The following LRMDA variants were observed in gnomAD, a reference collection of about 807,000 sequenced individuals.
LRMDA encodes the protein leucine-rich melanocyte differentiation-associated protein.
Under a neutral mutation model 29.8 loss-of-function variants are expected in LRMDA, and 18 were observed. The ratio of observed to expected loss-of-function variants is 0.60; its 90% CI spans 0.42 to 0.90. The LOEUF (loss-of-function observed/expected upper bound fraction) is 0.90. Ranked by LOEUF, LRMDA falls within the 40% of genes least tolerant of loss-of-function variation. The probability of loss-of-function intolerance (pLI) is 0.00; values close to 1 mark genes in which losing one functional copy is unlikely to be tolerated. For missense variants in LRMDA, 273 were observed against 273.9 expected, an observed-to-expected ratio of 1.00 and a Z score of 0.02; for synonymous variants, 125 against 109.4, an observed-to-expected ratio of 1.14 and a Z score of -0.89.
chr10:76,155,326 A>C (rs1850518026), intron 5 of LRMDA, among the ~76,000 whole-genome samples: 1 of 151,908 alleles, frequency 6.6e-6, no homozygotes, highest in Non-Finnish European at 1.5e-5. Context: ...CAGTAACCTG[A>C]AACCTGGGAT....
At chr10:75,702,753 C>A (rs1035287929) in intron 2 of LRMDA, among the ~76,000 whole-genome samples, 1 of 152,198 alleles carries the variant, frequency 6.6e-6, no homozygotes, top group Non-Finnish European at 1.5e-5. Context: ...TGGCAACCTT[C>A]GCATTTGGTT....
intron 2 of LRMDA, among the ~76,000 whole-genome samples, chr10:75,816,888 A>G (rs1435430111): frequency 6.6e-6 from 1 of 152,206 alleles, no homozygotes; most frequent in Non-Finnish European, 1.5e-5. Flanking sequence ...CTACCTGGTT[A>G]GTATTCTCTG....
At chr10:76,279,850 C>T (rs575019349) in intron 5 of LRMDA, among the ~76,000 whole-genome samples, 1 of 152,310 alleles carries the variant, frequency 6.6e-6, no homozygotes, top group South Asian at 2.1e-4. Flanking sequence ...ACTCATGACA[C>T]TATGAGGTAG....
chr10:75,942,635 G>A (rs1297839020), intron 2 of LRMDA, among the ~76,000 whole-genome samples: 1 of 152,142 alleles, frequency 6.6e-6, no homozygotes, highest in Non-Finnish European at 1.5e-5. Context: ...AACAAGTGAG[G>A]TGAACCCCAT....
At chr10:75,553,797 T>C (rs1368028819) in intron 2 of LRMDA, among the ~76,000 whole-genome samples, 1 of 152,046 alleles carries the variant, frequency 6.6e-6, no homozygotes, top group African/African-American at 2.4e-5. Flanking sequence ...GTAGGCAAGA[T>C]TTCATGCCTG....
intron 6 of LRMDA, among the ~76,000 whole-genome samples, chr10:76,481,612 G>A (rs1842734210): frequency 1.3e-5 from 2 of 151,898 alleles, no homozygotes; most frequent in Non-Finnish European, 2.9e-5. Context: ...AAGGTCTCAG[G>A]TATACATTTA....
chr10:75,454,276 T>C (rs1334190543), intron 2 of LRMDA, among the ~76,000 whole-genome samples: 2 of 152,068 alleles, frequency 1.3e-5, no homozygotes, highest in African/African-American at 4.8e-5. Context: ...TATGGTTTGT[T>C]TTGGGGGAGA....
At chr10:76,382,043 A>C (rs560582586) in intron 6 of LRMDA, among the ~76,000 whole-genome samples, 1 of 152,358 alleles carries the variant, frequency 6.6e-6, no homozygotes, top group South Asian at 2.1e-4. Context: ...ACGTGAAAGC[A>C]CATTGTTGCA....
chr10:75,849,764 A>C (rs1564585624), intron 2 of LRMDA, among the ~76,000 whole-genome samples: 1 of 152,240 alleles, frequency 6.6e-6, no homozygotes, highest in Non-Finnish European at 1.5e-5. Flanking sequence ...ATTTAAAATA[A>C]AAATTTAAAA....
At chr10:75,832,954 G>C (rs531616865) in intron 2 of LRMDA, among the ~76,000 whole-genome samples, 11 of 152,202 alleles carry the variant, frequency 7.2e-5, no homozygotes, top group African/African-American at 2.4e-4. Flanking sequence ...ATGAGATTTG[G>C]GTAGGACACA....
At chr10:75,484,622 G>A (rs749007764) in intron 2 of LRMDA, among the ~76,000 whole-genome samples, 3 of 152,154 alleles carry the variant, frequency 2.0e-5, no homozygotes, top group Non-Finnish European at 4.4e-5. Flanking sequence ...TGGAGATGAG[G>A]CCTTTAGGAA....
rs938735082 is a variant in LRMDA at position 76,291,430 on chromosome 10, C to G, written c.517-32971C>G. Among the ~76,000 whole-genome samples the G allele has an allele frequency of 3.9e-5, 6 of 152,236 alleles. No individual in the cohort carries two copies. The East Asian group carries it at 1.2e-3, about 29-fold the overall frequency. On this transcript the variant is annotated intron_variant, in intron 5 of 6. Coordinates refer to ENST00000611255, the MANE Select transcript of LRMDA (RefSeq NM_001305581.2). ...TACAATTGTGGGGGATATTTTATAA[C>G]TGAAGTTTTAATGGCTGAATCACTA...
At chr10:75,836,566 A>G (rs911688589) in intron 2 of LRMDA, among the ~76,000 whole-genome samples, 6 of 152,202 alleles carry the variant, frequency 3.9e-5, no homozygotes, top group Non-Finnish European at 8.8e-5. Context: ...ACTGCTTTGC[A>G]AGGCTAGGTT....
intron 5 of LRMDA, among the ~76,000 whole-genome samples, chr10:76,156,814 A>G (rs541771514): frequency 1.6e-4 from 24 of 152,356 alleles, no homozygotes; most frequent in Admixed American, 3.3e-4. Context: ...ATAGGAGAGC[A>G]GGTAAGATCA....
At chr10:76,446,865 G>A (rs1455775291) in intron 6 of LRMDA, among the ~76,000 whole-genome samples, 2 of 152,100 alleles carry the variant, frequency 1.3e-5, no homozygotes, top group Non-Finnish European at 2.9e-5. Flanking sequence ...GGTGCAGAGT[G>A]GTCTTTATTT....
At position 75,824,523 on chromosome 10, in the gene LRMDA, T is replaced by A. The variant is rs181551339; in HGVS notation, c.132-211485T>A. On this transcript the variant is annotated intron_variant, in intron 2 of 6. Coordinates refer to ENST00000611255, the MANE Select transcript of LRMDA (RefSeq NM_001305581.2). ...GGTTGCTGAACTCTGATCTAAATAATTCTAGAAGACTTGGCAGGACCTAAA... is the reference window on the plus strand; with the variant it reads ...GGTTGCTGAACTCTGATCTAAATAAATCTAGAAGACTTGGCAGGACCTAAA... 3.4e-3 allele frequency among the ~76,000 whole-genome samples: 513 copies of A among 152,316 alleles called. 6 individuals carry two copies. The highest frequency in any genetic ancestry group is 0.011 in the African/African-American group (478 of 41,568).
At chr10:76,071,097 C>A (rs1848868999) in intron 5 of LRMDA, among the ~76,000 whole-genome samples, 1 of 152,172 alleles carries the variant, frequency 6.6e-6, no homozygotes, top group South Asian at 2.1e-4. Flanking sequence ...ACTCAACTCT[C>A]TTAATCCTCC....
chr10:75,952,682 CGGGTT>C (rs1846596718), intron 2 of LRMDA, among the ~76,000 whole-genome samples: 1 of 152,118 alleles, frequency 6.6e-6, no homozygotes, highest in Non-Finnish European at 1.5e-5. Flanking sequence ...TTAGGACAAA[CGGGTT>C]GGGAAGTTCC....
chr10:76,500,924 A>G (rs1454650834), intron 6 of LRMDA, among the ~76,000 whole-genome samples: 1 of 74,134 alleles, frequency 1.3e-5, no homozygotes, highest in Non-Finnish European at 4.5e-5. Context: ...GGCTTGTTAC[A>G]TGGGTCTATT....
Sources: gnomAD v4.1 joint callset for allele counts (sites outside exome capture counted in the v4.1 genomes callset) on GRCh38, gnomAD v4.1.1 for gene constraint, MANE v1.5 for transcripts, NCBI Gene and HGNC (gene_info 2026-07-23, HGNC 2026-07-21) for gene names.